TNS2: variants seen among roughly 807,000 people sequenced by gnomAD.
The protein encoded by TNS2 is tensin-2.
In TNS2, 77 loss-of-function variants were observed where a neutral mutation model predicts 155.7. The ratio of observed to expected loss-of-function variants is 0.49; its 90% confidence interval spans 0.41 to 0.60. The LOEUF (loss-of-function observed/expected upper bound fraction) is 0.60. Among genes scored for constraint, TNS2 ranks in the 20% least tolerant of loss-of-function variants. The pLI is 0.00. For missense variants in TNS2, 1,703 were observed against 1,868.8 expected (o/e 0.91, Z 1.64); for synonymous variants, 726 against 763.9 (o/e 0.95, Z 0.82).
rs140759855 is a variant in TNS2 at position 53,060,763 on chromosome 12, G to A, written c.2857G>A (p.Gly953Ser). The change falls in exon 20 of 29, where the codon GGC becomes AGC. Residue 953 changes from glycine (G) to serine (S), a missense_variant. Coordinates refer to ENST00000314250, the MANE Select transcript of TNS2 (RefSeq NM_170754.4). The surrounding 1 kb of genome is among the most constrained non-coding windows in gnomAD (Gnocchi z 6.1). ...GGCCTTGCCCCCTGTTTCCCAGGCA[G>A]GCACCGGAAAGGCCCCTGAGCTGCC... is the stretch of plus-strand genomic sequence containing the variant. ...GEALPPVSQA[G>S]TGKAPELPSG... 56 of 1,612,020 alleles carry A rather than the reference G, an allele frequency of 3.5e-5. No homozygotes were observed. The highest frequency in any genetic ancestry group is 4.8e-5 in the Non-Finnish European group (56 of 1,178,948).
At chr12:53,053,126 G>T (rs1944000766) in intron 3 of TNS2, 2 of 453,482 alleles carry the variant, frequency 4.4e-6, no homozygotes, top group Non-Finnish European at 8.2e-6. Flanking sequence ...CCTGGCCATG[G>T]CCTGCCTGCT....
At chr12:53,051,762 C>A in intron 1 of TNS2, 93 bp from the exon 2 acceptor site, 2 of 950,184 alleles carry the variant, frequency 2.1e-6, no homozygotes, top group Non-Finnish European at 3.2e-6. Context: ...CGGAGAAAAC[C>A]AGTGCAGTGC....
chr12:53,056,968 T>G, intron 10 of TNS2, 45 bp from the exon 11 acceptor site: 1 of 1,577,122 alleles, frequency 6.3e-7, no homozygotes, highest in Non-Finnish European at 8.7e-7. Context: ...GAGGCCAGGA[T>G]GAAGATTAAT....
In TNS2 at chr12:53,062,672, G is replaced by A. The variant is rs747350983; in HGVS notation, c.3798G>A (p.Ala1266=). 5 of 1,613,984 alleles carry A rather than the reference G, an allele frequency of 3.1e-6. No homozygotes were observed. Among genetic ancestry groups the A allele is most frequent in the East Asian group, 4.5e-5 (2 of 44,870 alleles). ...CAGTGCCCACCAACATGAGCACAGC[G>A]GCAGACCTCCTGCGTCAGGGTGCTG... ...EAPVPTNMST[A]ADLLRQGAAC... The change falls in exon 25 of 29, where the codon GCG becomes GCA. Residue 1266 remains alanine, a synonymous_variant. Coordinates refer to ENST00000314250, the MANE Select transcript of TNS2 (RefSeq NM_170754.4).
chr12:53,051,196 T>G (rs1943917730), intron 1 of TNS2, among the ~76,000 whole-genome samples: 1 of 152,150 alleles, frequency 6.6e-6, no homozygotes, highest in Admixed American at 6.5e-5. Context: ...GGGGGAGAAC[T>G]CACAGCATCC....
intron 11 of TNS2, 27 bp downstream of exon 11, chr12:53,057,123 A>G (rs373411774): frequency 2.4e-5 from 39 of 1,600,144 alleles, no homozygotes; most frequent in Non-Finnish European, 3.3e-5. Flanking sequence ...GGGATGGGCC[A>G]GAGGAGCAGC....
chr12:53,055,518 C>A (rs745483569), intron 8 of TNS2, 50 bp from the exon 9 acceptor site: 1 of 1,558,430 alleles, frequency 6.4e-7, no homozygotes, highest in South Asian at 1.2e-5. Context: ...CTGCCCATCT[C>A]TCTCTGTTGG....
chr12:53,054,565 TG>T, intron 7 of TNS2, 124 bp downstream of exon 7: 1 of 325,168 alleles, frequency 3.1e-6, no homozygotes, highest in Non-Finnish European at 4.6e-6. Context: ...AGTGGTGGGG[TG>T]GGGGCGGGGC....
In TNS2 at chr12:53,060,726, G is replaced by A; in HGVS notation, c.2820G>A (p.Leu940=). 6.2e-7 allele frequency: 1 copy of A among 1,603,732 alleles called. No individual in the cohort carries two copies. Among genetic ancestry groups the A allele is most frequent in the Non-Finnish European group, 8.5e-7 (1 of 1,173,696 alleles). The change falls in exon 20 of 29, where the codon CTG becomes CTA. Residue 940 remains leucine, a synonymous_variant. Transcript: ENST00000314250. This position sits in a 1 kb window ranked among gnomAD's most constrained non-coding sequence, Gnocchi z 6.1. ...CCACCTCAGCGCCCACTCAGAGACTGAGTCCTGGCGAGGCCTTGCCCCCTG... is the reference window on the plus strand; with the variant it reads ...CCACCTCAGCGCCCACTCAGAGACTAAGTCCTGGCGAGGCCTTGCCCCCTG... ...RSPTSAPTQR[L]SPGEALPPVS...
chr12:53,062,455 TGA>T lies in TNS2; in HGVS notation c.3745+4_3745+5del. On this transcript the variant is annotated splice_donor_region_variant and intron_variant, in intron 24 of 28. Transcript: ENST00000314250. ...GCTGCCTGCGCATTCCCAGCAAAGGTGAGTGTCTGGTCATCTGTCCTCCCCAC... is the reference window on the plus strand; with the variant it reads ...GCTGCCTGCGCATTCCCAGCAAAGGTGTGTCTGGTCATCTGTCCTCCCCAC... 1 of 1,613,580 alleles carries T rather than the reference TGA, an allele frequency of 6.2e-7. No homozygotes were observed.
chr12:53,054,025 G>T lies in TNS2; in HGVS notation c.350+11G>T. 4 of 1,614,066 alleles carry T rather than the reference G, an allele frequency of 2.5e-6. No individual in the cohort carries two copies. In the South Asian group the frequency reaches 4.4e-5, roughly 18 times the overall value. On this transcript the variant is annotated intron_variant, in intron 6 of 28. Transcript: ENST00000314250. ...CAGCACTCTGCCCAGGTAAGTGAGG[G>T]TGCTGGGGTGGTCCCACGTGACCCC...
chr12:53,054,390 C>G lies in TNS2; in HGVS notation c.471C>G (p.His157Gln). 6.2e-7 allele frequency: 1 copy of G among 1,610,980 alleles called. No individual in the cohort carries two copies. Among genetic ancestry groups the G allele is most frequent in the Non-Finnish European group, 8.5e-7 (1 of 1,179,362 alleles). Residue 157 changes from histidine (H) to glutamine (Q), a missense_variant, in exon 7 of 29, where the codon CAC becomes CAG. Coordinates refer to ENST00000314250, the MANE Select transcript of TNS2 (RefSeq NM_170754.4). ...CCGATGAACAGCGGCACCGGGGCCA[C>G]CTGCGCGAGCTGGCCCATGTGCTGC... ...ARPDEQRHRG[H>Q]LRELAHVLQS...
chr12:53,058,094 G>A lies in TNS2; in HGVS notation c.1087G>A (p.Asp363Asn), dbSNP rs140911911. The change falls in exon 14 of 29, where the codon GAT becomes AAT. Residue 363 changes from aspartate (D) to asparagine (N), a missense_variant. Transcript: ENST00000314250. ...SLEPALLLKG[D>N]VMVTCYHKGG... is the part of the protein sequence containing the mutation. ...GGAGCCAGCCCTCCTCCTCAAAGGC[G>A]ATGTCATGGTGAGGGGGGTCCTGTC... The A allele has an allele frequency of 7.7e-5, 124 of 1,614,038 alleles. No individual in the cohort carries two copies. The highest frequency in any genetic ancestry group is 1.4e-4 in the South Asian group (13 of 91,082).
At position 53,059,019 on chromosome 12, in the gene TNS2, T is replaced by G. The variant is rs546389642; in HGVS notation, c.1406-28T>G. 1 of 1,534,812 alleles carries G rather than the reference T, an allele frequency of 6.5e-7. No individual in the cohort carries two copies. The highest frequency in any genetic ancestry group is 2.3e-5 in the East Asian group (1 of 44,056). Reference sequence around the variant, plus strand: ...CTCCCTCCCTGTTCCCCGCTTGCCCTCCCTCCCTGATCCTCTTCCCCACTC... The same window carrying G: ...CTCCCTCCCTGTTCCCCGCTTGCCCGCCCTCCCTGATCCTCTTCCCCACTC... On this transcript the variant is annotated intron_variant, in intron 17 of 28. Coordinates refer to ENST00000314250, the MANE Select transcript of TNS2 (RefSeq NM_170754.4). This position sits in a 1 kb window ranked among gnomAD's most constrained non-coding sequence, Gnocchi z 4.7.
intron 10 of TNS2, 191 bp downstream of exon 10, chr12:53,056,036 G>T: frequency 1.6e-6 from 1 of 614,838 alleles, no homozygotes; most frequent in East Asian, 3.0e-5. Flanking sequence ...AGTTTCCTGG[G>T]GCAGCCACAA....
In TNS2 at chr12:53,063,566, G is replaced by A; in HGVS notation, c.4065G>A (p.Trp1355Ter). ...TCACCTTCTTCTCCTTCTGCAGATGGACCAACCCAGACGGGACCACCTCCA... is the reference window on the plus strand; with the variant it reads ...TCACCTTCTTCTCCTTCTGCAGATGAACCAACCCAGACGGGACCACCTCCA... ...FSSTDPQDRR[W>*]TNPDGTTSKI... Residue 1355 changes from tryptophan (W) to a stop codon, truncating the protein, a stop_gained, in exon 28 of 29, where the codon TGG becomes TGA. Coordinates refer to ENST00000314250, the MANE Select transcript of TNS2 (RefSeq NM_170754.4). LOFTEE classifies it high-confidence loss of function. The surrounding 1 kb of genome is among the most constrained non-coding windows in gnomAD (Gnocchi z 5.6). 6.2e-7 allele frequency: 1 copy of A among 1,613,940 alleles called. No homozygotes were observed. Among genetic ancestry groups the A allele is most frequent in the Non-Finnish European group, 8.5e-7 (1 of 1,179,970 alleles).
At position 53,060,148 on chromosome 12, in the gene TNS2, C is replaced by T. The variant is rs761499158; in HGVS notation, c.2507C>T (p.Pro836Leu). The T allele has an allele frequency of 2.0e-5, 32 of 1,609,518 alleles. No individual in the cohort carries two copies. The highest frequency in any genetic ancestry group is 1.3e-4 in the African/African-American group (10 of 74,862). ...GCTGGCTCCATTTCCCCGGGCAGCC[C>T]GCCCTATCCACAATCTAGGAAGCTG... ...PRAGSISPGS[P>L]PYPQSRKLSY... The change falls in exon 18 of 29, where the codon CCG (proline) becomes CTG (leucine). Residue 836 changes from proline (P) to leucine (L), a missense_variant. Coordinates refer to ENST00000314250, the MANE Select transcript of TNS2 (RefSeq NM_170754.4). This position sits in a 1 kb window ranked among gnomAD's most constrained non-coding sequence, Gnocchi z 6.1.
In TNS2 at chr12:53,058,189, T is replaced by C. The variant is rs113550212; in HGVS notation, c.1095+87T>C. On this transcript the variant is annotated intron_variant, in intron 14 of 28. Coordinates refer to ENST00000314250, the MANE Select transcript of TNS2 (RefSeq NM_170754.4). The stretch of plus-strand genomic sequence containing the variant: ...GGCACAGTCACCAATTTGAGACAGA[T>C]TGGAGAGCGAGTAGGGAGATCACCT... The C allele has an allele frequency of 1.6e-3, 2,599 of 1,609,624 alleles. 41 individuals are homozygous for C. The African/African-American group carries it at 0.031, about 19-fold the overall frequency.
chr12:53,053,335 C>G (rs1417473743), intron 3 of TNS2, 76 bp from the exon 4 acceptor site: 1 of 1,559,892 alleles, frequency 6.4e-7, no homozygotes, highest in Non-Finnish European at 8.8e-7. Context: ...CCTCCTGAAG[C>G]TGAGGGGCTG....
Sources: gnomAD v4.1 joint callset for allele counts (sites outside exome capture counted in the v4.1 genomes callset) on GRCh38, gnomAD v4.1.1 for gene constraint, Gnocchi (gnomAD v3.1) non-coding constraint, MANE v1.5 for transcripts, NCBI Gene and HGNC (gene_info 2026-07-23, HGNC 2026-07-21) for gene names.